PROM1: variants seen among roughly 807,000 people sequenced by gnomAD.
The protein encoded by PROM1 is prominin-1.
PROM1 carries 105 observed loss-of-function variants against 116.9 expected under a neutral mutation model. The ratio of observed to expected loss-of-function variants is 0.90; its 90% confidence interval spans 0.77 to 1.06. The LOEUF is 1.06. Ranked by LOEUF, PROM1 falls within the 50% of genes least tolerant of loss-of-function variation. The probability of loss-of-function intolerance (pLI) is 0.00; values close to 1 mark genes in which losing one functional copy is unlikely to be tolerated. For synonymous variants in PROM1, 393 were observed against 387.0 expected (o/e 1.02, Z -0.18); for missense variants, 1,122 against 1,045.2 (o/e 1.07, Z -1.01).
intron 2 of PROM1, among the ~76,000 whole-genome samples, chr4:16,057,114 A>G (rs1739234107): frequency 6.6e-6 from 1 of 152,236 alleles, no homozygotes; most frequent in Non-Finnish European, 1.5e-5. Context: ...TGCACAAGTT[A>G]TATTTGGAAT....
intron 9 of PROM1, among the ~76,000 whole-genome samples, chr4:16,017,243 C>T (rs1728626160): frequency 6.6e-6 from 1 of 152,072 alleles, no homozygotes; most frequent in South Asian, 2.1e-4. Flanking sequence ...GCAAATGGTG[C>T]AAAATCGTGA....
At chr4:16,019,692 C>T (rs1043197546) in intron 8 of PROM1, among the ~76,000 whole-genome samples, 1 of 152,198 alleles carries the variant, frequency 6.6e-6, no homozygotes, top group Admixed American at 6.5e-5. Flanking sequence ...GAGGGCTTTG[C>T]TCTTCTTCTA....
At chr4:16,003,407 C>T (rs1480466648) in intron 13 of PROM1, 2 of 456,622 alleles carry the variant, frequency 4.4e-6, no homozygotes, top group Admixed American at 4.7e-5. Context: ...TTTTACAGCC[C>T]TTGCTATATA....
chr4:16,006,364 G>A (rs769829416), intron 13 of PROM1, among the ~76,000 whole-genome samples, 174 bp downstream of exon 13: 39 of 152,204 alleles, frequency 2.6e-4, no homozygotes, highest in South Asian at 1.9e-3. Context: ...CTTGACAGAA[G>A]TACCCAAATC....
chr4:16,030,348 A>G (rs995603832), intron 5 of PROM1, among the ~76,000 whole-genome samples: 3 of 152,234 alleles, frequency 2.0e-5, no homozygotes, highest in East Asian at 3.8e-4. Flanking sequence ...TAGTTTTGTC[A>G]CAATCTCAGT....
At chr4:16,036,216 C>T (rs1343677089) in intron 3 of PROM1, among the ~76,000 whole-genome samples, 2 of 152,202 alleles carry the variant, frequency 1.3e-5, no homozygotes, top group African/African-American at 4.8e-5. Flanking sequence ...CGGATTCCCA[C>T]CATTTTTATT....
intron 14 of PROM1, among the ~76,000 whole-genome samples, chr4:15,999,638 T>C (rs1723239940): frequency 6.6e-6 from 1 of 152,186 alleles, no homozygotes; most frequent in Non-Finnish European, 1.5e-5. Flanking sequence ...GAGATAATGA[T>C]GCCTGGCTTG....
chr4:16,033,484 A>G lies in PROM1; in HGVS notation c.329T>C (p.Ile110Thr), dbSNP rs1421360677. 6.2e-7 allele frequency: 1 copy of G among 1,608,954 alleles called. No homozygotes were observed. The highest frequency in any genetic ancestry group is 1.7e-5 in the Admixed American group (1 of 59,374). Reference protein sequence around the residue: ...LKIVYYEAGIILCCVLGLLFI... With the variant: ...LKIVYYEAGITLCCVLGLLFI... ...CAGCAGCCCCAGGACACAGCATAGAATAATCCCTGCTTCATAGTAGACAAT... is the reference window on the plus strand; with the variant it reads ...CAGCAGCCCCAGGACACAGCATAGAGTAATCCCTGCTTCATAGTAGACAAT... Residue 110 changes from isoleucine to threonine, a missense_variant, in exon 5 of 28, where the codon ATT becomes ACT. Ile to Thr is a moderately conservative substitution (Grantham distance 89, BLOSUM62 -1). Transcript: ENST00000447510.
chr4:16,013,221 A>T, intron 11 of PROM1, 54 bp downstream of exon 11: 2 of 1,399,600 alleles, frequency 1.4e-6, no homozygotes, highest in Non-Finnish European at 2.0e-6. Flanking sequence ...TTGGCAACAC[A>T]TTTCTCTGTA....
rs1211737627 is a variant in PROM1, at chr4:15,969,335, A to T, written c.*58T>A. On this transcript the variant is annotated 3_prime_UTR_variant, in exon 28 of 28. Coordinates refer to ENST00000447510, the MANE Select transcript of PROM1 (RefSeq NM_006017.3). ...CTTGTAGACCCAGAAACTACCAAAA[A>T]TCTGTGATCCTTTCCACTTTGAGTA... 6.6e-6 allele frequency: 1 copy of T among 152,174 alleles called. No individual in the cohort carries two copies. Among genetic ancestry groups the T allele is most frequent in the Admixed American group, 6.5e-5 (1 of 15,270 alleles). The allele number at this position is 152,174 out of a possible 1,614,324, so 9.4% of individuals were successfully genotyped here.
chr4:16,041,783 TAA>T lies in PROM1; in HGVS notation c.221-2784_221-2783del, dbSNP rs1491282110. On this transcript the variant is annotated intron_variant, in intron 2 of 27. Transcript: ENST00000447510. ...ATAAATAAATAAATAAATAAATAAA[TAA>T]ATATATATATATATATATATATGAA... 1.2e-3 allele frequency among the ~76,000 whole-genome samples: 22 copies of T among 18,986 alleles called. 1 individual carries two copies. The South Asian group carries it at 0.016, about 14-fold the overall frequency. 12.5% of individuals were successfully genotyped at this position (18,986 alleles called of 152,430 possible).
chr4:16,023,449 G>A lies in PROM1; in HGVS notation c.695-34C>T. ...AAATAAGCACAAAGATGGTGAGGGT[G>A]GCCTCTGCTCATCTCTCCACCCCTC... On this transcript the variant is annotated intron_variant, in intron 7 of 27. Coordinates refer to ENST00000447510, the MANE Select transcript of PROM1 (RefSeq NM_006017.3). The A allele has an allele frequency of 2.0e-6, 3 of 1,497,030 alleles. No homozygotes were observed. The South Asian group carries it at 3.6e-5, about 18-fold the overall frequency. The allele number at this position is 1,497,030 out of a possible 1,614,324, so 92.7% of individuals were successfully genotyped here.
chr4:15,977,849 C>T (rs530386442), intron 26 of PROM1, among the ~76,000 whole-genome samples: 5 of 152,318 alleles, frequency 3.3e-5, no homozygotes, highest in South Asian at 2.1e-4. Context: ...CCACCCGCCT[C>T]GGCTTCCCAA....
rs1369441677 is a variant in PROM1, at chr4:16,009,005, G to A, written c.1245C>T (p.Asn415=). ...ILSAFSVYVN[N]TESYIHRNLP... ...AATTTCTGTGGATGTAACTTTCAGT[G>A]TTATTAACATAAACAGAGAATGCTG... is the stretch of plus-strand genomic sequence containing the variant. Residue 415 remains asparagine, a synonymous_variant, in exon 12 of 28, where the codon AAC becomes AAT. Coordinates refer to ENST00000447510, the MANE Select transcript of PROM1 (RefSeq NM_006017.3). 10 of 1,595,408 alleles carry A rather than the reference G, an allele frequency of 6.3e-6. No homozygotes were observed. The African/African-American group carries it at 1.3e-4, about 21-fold the overall frequency.
At chr4:16,048,219 C>G (rs1043309417) in intron 2 of PROM1, among the ~76,000 whole-genome samples, 2 of 152,156 alleles carry the variant, frequency 1.3e-5, no homozygotes, top group Non-Finnish European at 2.9e-5. Context: ...ATAAGTGATT[C>G]TGGGGGGACC....
At chr4:15,980,971 T>TTATTTATTTATTTATC (rs1245025401) in intron 23 of PROM1, among the ~76,000 whole-genome samples, 1 of 151,190 alleles carries the variant, frequency 6.6e-6, no homozygotes, top group Non-Finnish European at 1.5e-5. Context: ...ATTTATTTAT[T>TTATTTATTTATTTATC]TATTATTTTA....
intron 2 of PROM1, among the ~76,000 whole-genome samples, chr4:16,051,922 A>T (rs963854210): frequency 6.6e-6 from 1 of 152,198 alleles, no homozygotes; most frequent in Non-Finnish European, 1.5e-5. Context: ...TACAAACATG[A>T]CATCTTCTAA....
intron 15 of PROM1, among the ~76,000 whole-genome samples, chr4:15,995,145 C>T (rs976264150): frequency 2.0e-5 from 3 of 152,106 alleles, no homozygotes; most frequent in Admixed American, 1.3e-4. Flanking sequence ...CAATGTCTAC[C>T]CTGAGTATGG....
In PROM1 at chr4:16,000,511, G is replaced by A. The variant is rs919737536; in HGVS notation, c.1563C>T (p.Ser521=). The A allele has an allele frequency of 6.3e-7, 1 of 1,590,726 alleles. No individual in the cohort carries two copies. The highest frequency in any genetic ancestry group is 1.3e-5 in the African/African-American group (1 of 74,412). Residue 521 remains serine (S), a synonymous_variant, in exon 14 of 28, where the codon AGC becomes AGT. Coordinates refer to ENST00000447510, the MANE Select transcript of PROM1 (RefSeq NM_006017.3). The part of the protein sequence containing the change: ...VEKLICEPYT[S]KELFRVLDTP... Reference sequence around the variant, plus strand: ...TCATATTTACCCGGAATAATTCCTTGCTCGTGTAAGGTTCACAGATCAGTT... The same window carrying A: ...TCATATTTACCCGGAATAATTCCTTACTCGTGTAAGGTTCACAGATCAGTT...
Sources: allele counts gnomAD v4.1 joint callset (sites outside exome capture counted in the v4.1 genomes callset), GRCh38; gene constraint gnomAD v4.1.1; transcripts MANE v1.5; gene names NCBI Gene and HGNC (gene_info 2026-07-23, HGNC 2026-07-21).